Variants in TTI2 observed in about 807,000 individuals in gnomAD.
The protein encoded by TTI2 is TELO2 interacting protein 2.
In TTI2, 26 loss-of-function variants were observed where a neutral mutation model predicts 44.9. The observed-to-expected ratio is 0.58, with a 90% CI of 0.42 to 0.80. TTI2 has a LOEUF of 0.80. Ranked by LOEUF, TTI2 falls within the 30% of genes least tolerant of loss-of-function variation. TTI2 has a pLI of 0.00. For synonymous variants in TTI2, 254 were observed against 250.9 expected (o/e 1.01, Z -0.12); for missense variants, 582 against 611.6 (o/e 0.95, Z 0.51).
intron 2 of TTI2, among the ~76,000 whole-genome samples, chr8:33,511,335 G>A (rs1207813798): frequency 6.6e-6 from 1 of 151,866 alleles, no homozygotes; most frequent in Non-Finnish European, 1.5e-5. Context: ...GAGCCACCTC[G>A]CCCGGCCACA....
chr8:33,509,146 A>AAG (rs1374817142), intron 3 of TTI2, among the ~76,000 whole-genome samples: 1 of 150,286 alleles, frequency 6.7e-6, no homozygotes, highest in Non-Finnish European at 1.5e-5. Flanking sequence ...AAAAAAAAAA[A>AAG]AAAAAGAAAG....
At position 33,504,232 on chromosome 8, in the gene TTI2, G is replaced by A. The variant is rs564164543; in HGVS notation, c.928-297C>T. 5.6e-4 allele frequency among the ~76,000 whole-genome samples: 82 copies of A among 146,204 alleles called. 1 individual carries two copies. In the South Asian group the frequency reaches 0.016, roughly 29 times the overall value. On this transcript the variant is annotated intron_variant, in intron 4 of 7. Transcript: ENST00000431156. ...TTTAATCCAGATTTTAGGAATCTAA[G>A]TCTACTGTTACTATGTCACTAAGTC...
At chr8:33,509,649 G>C in intron 3 of TTI2, 97 bp downstream of exon 3, 1 of 1,243,182 alleles carries the variant, frequency 8.0e-7, no homozygotes. Context: ...ATACAAATAA[G>C]TAAAGTTGAA....
At chr8:33,506,517 G>A (rs1317358908) in intron 4 of TTI2, among the ~76,000 whole-genome samples, 16 of 149,434 alleles carry the variant, frequency 1.1e-4, no homozygotes, top group African/African-American at 2.2e-4. Context: ...TCAGCCTCCC[G>A]AGTAGCTGGG....
intron 4 of TTI2, among the ~76,000 whole-genome samples, chr8:33,505,735 C>T (rs958642237): frequency 6.6e-6 from 1 of 152,186 alleles, no homozygotes; most frequent in African/African-American, 2.4e-5. Context: ...CTCACCGCAA[C>T]CTCCGCCTCC....
chr8:33,499,289 A>G lies in TTI2; in HGVS notation c.1423-12T>C. ...TTGGCCAGGAGACCCTGAAACATGA[A>G]ACCAAACAGGCTTTGATATTTTTTT... On this transcript the variant is annotated splice_polypyrimidine_tract_variant and intron_variant, in intron 7 of 7. Coordinates refer to ENST00000431156, the MANE Select transcript of TTI2 (RefSeq NM_001102401.4). The G allele has an allele frequency of 1.3e-6, 2 of 1,588,760 alleles. No individual in the cohort carries two copies. Among genetic ancestry groups the G allele is most frequent in the Non-Finnish European group, 1.7e-6 (2 of 1,157,162 alleles).
In TTI2 at chr8:33,503,855, G is replaced by C; in HGVS notation, c.1008C>G (p.Thr336=). ...GCCGCAGGACCTCATCACAATGGGT[G>C]GTGGGTCGAGCTCCATCTCCTTTCC... The part of the protein sequence containing the change: ...LHWKGDGARP[T]THCDEVLRLI... Residue 336 remains threonine, a synonymous_variant, in exon 5 of 8, where the codon ACC becomes ACG. Transcript: ENST00000431156. 6.2e-7 allele frequency: 1 copy of C among 1,614,162 alleles called. No homozygotes were observed.
Position 33,503,891 on chromosome 8 carries a change from T to G in TTI2, c.972A>C (p.Lys324Asn). ...CLLDLFPILE[K>N]TLHWKGDGAR... is the part of the protein sequence containing the mutation. ...CTCCATCTCCTTTCCAGTGCAGGGT[T>G]TTCTCCAGGATGGGGAATAAATCCA... is the stretch of plus-strand genomic sequence containing the variant. The change falls in exon 5 of 8, where the codon AAA (lysine) becomes AAC (asparagine). Residue 324 changes from lysine (K) to asparagine (N), a missense_variant. Coordinates refer to ENST00000431156, the MANE Select transcript of TTI2 (RefSeq NM_001102401.4). 5 of 1,614,072 alleles carry G rather than the reference T, an allele frequency of 3.1e-6. No homozygotes were observed. Among genetic ancestry groups the G allele is most frequent in the Non-Finnish European group, 3.4e-6 (4 of 1,180,018 alleles).
intron 3 of TTI2, among the ~76,000 whole-genome samples, chr8:33,508,707 C>T (rs1485725547): frequency 6.6e-6 from 1 of 150,716 alleles, no homozygotes; most frequent in Non-Finnish European, 1.5e-5. Context: ...TTAATTATAC[C>T]ACTCTCTCTA....
intron 7 of TTI2, chr8:33,499,692 T>G (rs1808993258): frequency 5.7e-6 from 1 of 176,846 alleles, no homozygotes. Flanking sequence ...CTGGGTAGAT[T>G]GTCCAGTGAC....
At chr8:33,504,001 T>C in intron 4 of TTI2, 66 bp from the exon 5 acceptor site, 1 of 1,521,998 alleles carries the variant, frequency 6.6e-7, no homozygotes, top group South Asian at 1.1e-5. Flanking sequence ...CTCACTGACT[T>C]CTCTAGAACT....
chr8:33,500,184 G>A, intron 7 of TTI2, 144 bp downstream of exon 7: 1 of 833,612 alleles, frequency 1.2e-6, no homozygotes, highest in Admixed American at 2.5e-5. Context: ...CTCTTTTGAG[G>A]CTAGAGGGCT....
chr8:33,499,343 ATTC>A (rs1808978155), intron 7 of TTI2, 66 bp from the exon 8 acceptor site: 1 of 1,147,632 alleles, frequency 8.7e-7, no homozygotes, highest in East Asian at 2.4e-5. Context: ...CTTTTGCTTG[ATTC>A]TTCTTCCTTG....
chr8:33,505,177 C>T (rs1273568261), intron 4 of TTI2, among the ~76,000 whole-genome samples: 4 of 152,004 alleles, frequency 2.6e-5, no homozygotes, highest in East Asian at 1.9e-4. Flanking sequence ...GTGCCAAGAT[C>T]GCGCCACTGT....
Position 33,503,504 on chromosome 8 carries a change from T to C in TTI2, c.1184A>G (p.Tyr395Cys), listed in dbSNP as rs891841113. ...TCTAGCTTCCTCCTCAGGTCCATCA[T>C]AAACCTCCAGATAACCAATGATGAC... ...ERVIIGYLEV[Y>C]DGPEEEARLK... is the part of the protein sequence containing the mutation. Residue 395 changes from tyrosine to cysteine, a missense_variant, in exon 6 of 8, where the codon TAT becomes TGT. Physicochemically the swap from Tyr to Cys is radical, Grantham distance 194 (BLOSUM62 -2). Transcript: ENST00000431156. The C allele has an allele frequency of 1.2e-6, 2 of 1,614,030 alleles. No homozygotes were observed. The highest frequency in any genetic ancestry group is 2.7e-5 in the African/African-American group (2 of 74,926).
intron 7 of TTI2, 80 bp from the exon 8 acceptor site, chr8:33,499,357 G>A (rs1808978689): frequency 9.8e-7 from 1 of 1,016,740 alleles, no homozygotes; most frequent in Admixed American, 1.9e-5. Flanking sequence ...TTCTTCCTTG[G>A]TATCATATTC....
chr8:33,499,421 ATTAG>A, intron 7 of TTI2, 144 bp from the exon 8 acceptor site: 1 of 647,464 alleles, frequency 1.5e-6, no homozygotes, highest in Middle Eastern at 3.1e-4. Flanking sequence ...CAGAATAGGT[ATTAG>A]TTGGTTTTTT....
intron 7 of TTI2, 156 bp from the exon 8 acceptor site, chr8:33,499,433 TTTA>T (rs1253397249): frequency 6.5e-6 from 4 of 611,124 alleles, no homozygotes; most frequent in Admixed American, 5.9e-5. Flanking sequence ...TAGTTGGTTT[TTTA>T]TTATTTTTAA....
Position 33,513,089 on chromosome 8 carries a change from G to A in TTI2, c.-107C>T, listed in dbSNP as rs1021474472. 6.3e-5 allele frequency: 10 copies of A among 159,232 alleles called. No individual in the cohort carries two copies. The highest frequency in any genetic ancestry group is 2.4e-4 in the African/African-American group (10 of 41,440). The allele number at this position is 159,232 out of a possible 1,614,324, so 9.9% of individuals were successfully genotyped here. The stretch of plus-strand genomic sequence containing the variant: ...TTAACCACCCCCAGGTACCTGCAAC[G>A]GCTCGCGCCCGCCGGTGTCTAACAG... On this transcript the variant is annotated 5_prime_UTR_variant, in exon 1 of 8. Coordinates refer to ENST00000431156, the MANE Select transcript of TTI2 (RefSeq NM_001102401.4).
Sources: gnomAD v4.1 joint callset for allele counts (sites outside exome capture counted in the v4.1 genomes callset) on GRCh38, gnomAD v4.1.1 for gene constraint, MANE v1.5 for transcripts, NCBI Gene and HGNC (gene_info 2026-07-23, HGNC 2026-07-21) for gene names.